Variants in ENTREP2 observed in about 807,000 individuals in gnomAD.
ENTREP2 encodes the protein protein ENTREP2.
the ENTREP2 span, among the ~76,000 whole-genome samples, chr15:29,577,307 CAAAG>C: frequency 2.4e-5 from 2 of 83,400 alleles, no homozygotes; most frequent in Admixed American, 1.3e-4. Context: ...AGCAGGGACT[CAAAG>C]AGGTGTGTGT....
At chr15:29,184,617 C>T in the ENTREP2 span, among the ~76,000 whole-genome samples, 5 of 152,136 alleles carry the variant, frequency 3.3e-5, no homozygotes, top group East Asian at 1.9e-4. Flanking sequence ...GACTTCACTG[C>T]GGTTGGGGTG....
the ENTREP2 span, among the ~76,000 whole-genome samples, chr15:29,240,703 C>A: frequency 6.6e-6 from 1 of 152,158 alleles, no homozygotes; most frequent in African/African-American, 2.4e-5. Flanking sequence ...GACTAAGATG[C>A]ACTGTCAAGC....
the ENTREP2 span, among the ~76,000 whole-genome samples, chr15:29,434,644 G>A: frequency 1.4e-4 from 22 of 152,220 alleles, no homozygotes; most frequent in African/African-American, 4.8e-4. Flanking sequence ...AAGCATACAT[G>A]ACATACATAC....
the ENTREP2 span, among the ~76,000 whole-genome samples, chr15:29,466,679 G>A: frequency 2.6e-5 from 3 of 116,778 alleles, no homozygotes; most frequent in Middle Eastern, 7.1e-3. Context: ...GCCCCCAGGG[G>A]AGGGCCCGGG....
the ENTREP2 span, among the ~76,000 whole-genome samples, chr15:29,466,262 A>C: frequency 2.6e-5 from 4 of 152,162 alleles, no homozygotes; most frequent in African/African-American, 9.7e-5. Flanking sequence ...ACACAAGAGA[A>C]CAATGATGTC....
At chr15:29,480,523 A>T in the ENTREP2 span, among the ~76,000 whole-genome samples, 1 of 151,942 alleles carries the variant, frequency 6.6e-6, no homozygotes, top group Admixed American at 6.6e-5. Context: ...GAGCACGGTC[A>T]CAGAAGGACG....
At chr15:29,470,820 T>A in the ENTREP2 span, among the ~76,000 whole-genome samples, 1 of 152,248 alleles carries the variant, frequency 6.6e-6, no homozygotes, top group East Asian at 1.9e-4. Flanking sequence ...TAGATTAATT[T>A]TTTGTTTAAT....
the ENTREP2 span, among the ~76,000 whole-genome samples, chr15:29,495,034 G>T: frequency 2.6e-5 from 4 of 151,966 alleles, no homozygotes; most frequent in Middle Eastern, 6.3e-3. Context: ...TTAAAACACT[G>T]ATTTCAATTA....
the ENTREP2 span, among the ~76,000 whole-genome samples, chr15:29,219,435 G>C: frequency 2.0e-5 from 3 of 151,564 alleles, no homozygotes; most frequent in Non-Finnish European, 4.4e-5. Flanking sequence ...AAGTAAAATA[G>C]AACTACCATT....
the ENTREP2 span, among the ~76,000 whole-genome samples, chr15:29,334,577 A>C: frequency 1.2e-5 from 1 of 85,940 alleles, no homozygotes; most frequent in Admixed American, 1.2e-4. Flanking sequence ...ATTAGGTTGA[A>C]CTTTGACTGA....
chr15:29,268,977 G>C, the ENTREP2 span: 3 of 1,614,154 alleles, frequency 1.9e-6, no homozygotes, highest in Non-Finnish European at 2.5e-6. Flanking sequence ...CGTAGTCGAC[G>C]GGGTCGGTGT....
chr15:29,129,687 G>C, the ENTREP2 span, among the ~76,000 whole-genome samples: 1 of 152,070 alleles, frequency 6.6e-6, no homozygotes. Flanking sequence ...GATTCCGCCT[G>C]GAGAGGCCTC....
chr15:29,659,975 T>C, the ENTREP2 span, among the ~76,000 whole-genome samples: 264 of 152,154 alleles, frequency 1.7e-3, no homozygotes, highest in African/African-American at 6.1e-3. Context: ...ATTTTTTTTG[T>C]ATTTTTAGTA....
At chr15:29,611,597 C>A in the ENTREP2 span, among the ~76,000 whole-genome samples, 1 of 152,050 alleles carries the variant, frequency 6.6e-6, no homozygotes, top group Admixed American at 6.6e-5. Context: ...TATCTGCTGT[C>A]CCTGACCACA....
At chr15:29,396,189 T>C in the ENTREP2 span, among the ~76,000 whole-genome samples, 1 of 152,228 alleles carries the variant, frequency 6.6e-6, no homozygotes, top group Non-Finnish European at 1.5e-5. Context: ...GTCACTATGC[T>C]GTACATTACG....
the ENTREP2 span, among the ~76,000 whole-genome samples, chr15:29,590,193 C>T: frequency 6.6e-6 from 1 of 152,130 alleles, no homozygotes; most frequent in Non-Finnish European, 1.5e-5. Context: ...CCTGAGTGTT[C>T]TCTTGTGTCC....
the ENTREP2 span, among the ~76,000 whole-genome samples, chr15:29,330,320 G>T: frequency 3.3e-5 from 5 of 151,854 alleles, no homozygotes; most frequent in African/African-American, 1.2e-4. Context: ...GTGGTGGCAT[G>T]AGCGTGTAGT....
chr15:29,306,726 G>T, the ENTREP2 span, among the ~76,000 whole-genome samples: 3 of 111,116 alleles, frequency 2.7e-5, no homozygotes, highest in East Asian at 2.8e-4. Flanking sequence ...GTCTTGCTCT[G>T]CCACCCAGGC....
At chr15:29,417,227 A>G in the ENTREP2 span, among the ~76,000 whole-genome samples, 5 of 152,352 alleles carry the variant, frequency 3.3e-5, no homozygotes, top group South Asian at 4.1e-4. Context: ...TCACAATAGT[A>G]AAGACTTGGA....
Sources: allele counts gnomAD v4.1 joint callset (sites outside exome capture counted in the v4.1 genomes callset), GRCh38; gene constraint gnomAD v4.1.1; transcripts MANE v1.5; gene names NCBI Gene and HGNC (gene_info 2026-07-23, HGNC 2026-07-21).